Variants in PLXNA4 observed in about 807,000 individuals in gnomAD.
The protein encoded by PLXNA4 is plexin-A4.
Under a neutral mutation model 191.8 loss-of-function variants are expected in PLXNA4, and 44 were observed. The observed-to-expected ratio is 0.23, with a 90% confidence interval of 0.18 to 0.29. The LOEUF (loss-of-function observed/expected upper bound fraction) is 0.29. PLXNA4 is among the 10% of genes least tolerant of loss of function. The pLI is 1.00. For synonymous variants in PLXNA4, 1,082 were observed against 1,009.5 expected (o/e 1.07, Z -1.36); for missense variants, 1,800 against 2,488.8 (o/e 0.72, Z 5.89).
At chr7:132,461,591 A>G (rs1360745356) in intron 3 of PLXNA4, among the ~76,000 whole-genome samples, 5 of 152,246 alleles carry the variant, frequency 3.3e-5, no homozygotes. Context: ...ATCCAAGGGA[A>G]AAGAAATCAA....
At position 132,141,726 on chromosome 7, in the gene PLXNA4, CCTTTCTTTCTTTTT is replaced by C. The variant is rs1383453006; in HGVS notation, c.5226-929_5226-916del. 2.2e-4 allele frequency among the ~76,000 whole-genome samples: 34 copies of C among 152,126 alleles called. 1 individual carries two copies. Among genetic ancestry groups the C allele is most frequent in the East Asian group, 1.4e-3 (7 of 5,164 alleles). On this transcript the variant is annotated intron_variant, in intron 29 of 31. Coordinates refer to ENST00000321063, the MANE Select transcript of PLXNA4 (RefSeq NM_020911.2). ...TAAAACTTGTGTAAGTCTTTCCTTT[CCTTTCTTTCTTTTT>C]CTTTCTTTCAATGGAGTTTTGCTCT...
At chr7:132,261,889 C>T (rs1020157171) in intron 4 of PLXNA4, among the ~76,000 whole-genome samples, 1 of 152,196 alleles carries the variant, frequency 6.6e-6, no homozygotes, top group Admixed American at 6.5e-5. Context: ...AGCACCTACA[C>T]ACACAGTCCC....
chr7:132,216,132 G>A (rs529070087), intron 9 of PLXNA4, among the ~76,000 whole-genome samples: 21 of 152,310 alleles, frequency 1.4e-4, no homozygotes, highest in African/African-American at 5.1e-4. Flanking sequence ...TGTCAGAAAT[G>A]AATTGAGTTC....
At chr7:132,594,521 T>C (rs1802662620) in intron 2 of PLXNA4, among the ~76,000 whole-genome samples, 1 of 152,244 alleles carries the variant, frequency 6.6e-6, no homozygotes. Context: ...AAGTTGGACT[T>C]GATTTGCAGC....
At chr7:132,360,620 A>G (rs1803895850) in intron 3 of PLXNA4, among the ~76,000 whole-genome samples, 1 of 152,248 alleles carries the variant, frequency 6.6e-6, no homozygotes, top group Non-Finnish European at 1.5e-5. Context: ...CGACAACAAC[A>G]AAAAGATAAA....
intron 8 of PLXNA4, among the ~76,000 whole-genome samples, chr7:132,225,857 G>T (rs1798304785): frequency 6.6e-6 from 1 of 152,210 alleles, no homozygotes; most frequent in Non-Finnish European, 1.5e-5. Context: ...TGAGTTAGAA[G>T]GATTGATGTC....
chr7:132,142,699 C>T (rs1453960073), intron 29 of PLXNA4, among the ~76,000 whole-genome samples: 1 of 152,218 alleles, frequency 6.6e-6, no homozygotes, highest in African/African-American at 2.4e-5. Context: ...CCCAGGAAAG[C>T]TCAGACAGCC....
chr7:132,270,665 A>G (rs1200048266), intron 4 of PLXNA4, among the ~76,000 whole-genome samples: 5 of 152,250 alleles, frequency 3.3e-5, no homozygotes, highest in Admixed American at 6.5e-5. Flanking sequence ...TCAGGAAATC[A>G]GTACTGCTAA....
chr7:132,248,904 G>T (rs1461167987), intron 4 of PLXNA4, among the ~76,000 whole-genome samples: 1 of 151,906 alleles, frequency 6.6e-6, no homozygotes, highest in Non-Finnish European at 1.5e-5. Flanking sequence ...GGAATGATTT[G>T]CCTTGAGCTT....
chr7:132,630,720 C>A (rs1394366857), intron 2 of PLXNA4, among the ~76,000 whole-genome samples: 1 of 152,084 alleles, frequency 6.6e-6, no homozygotes, highest in East Asian at 1.9e-4. Flanking sequence ...ACTGTGTTAG[C>A]CAGGATGGTC....
intron 1 of PLXNA4, among the ~76,000 whole-genome samples, chr7:132,526,827 G>A (rs1799420085): frequency 1.3e-5 from 2 of 152,118 alleles, no homozygotes; most frequent in Non-Finnish European, 2.9e-5. Flanking sequence ...ATCCCTCTTT[G>A]GTGCATAGTC....
At chr7:132,460,391 A>G (rs1366533529) in intron 3 of PLXNA4, among the ~76,000 whole-genome samples, 1 of 151,620 alleles carries the variant, frequency 6.6e-6, no homozygotes, top group Non-Finnish European at 1.5e-5. Flanking sequence ...AAAAACCTCA[A>G]ATTGTAATTT....
chr7:132,212,775 G>A lies in PLXNA4; in HGVS notation c.2098-1632C>T, dbSNP rs1009758198. Among the ~76,000 whole-genome samples, 5 of 152,178 alleles carry A rather than the reference G, an allele frequency of 3.3e-5. No individual in the cohort carries two copies. In the East Asian group the frequency reaches 9.6e-4, roughly 29 times the overall value. On this transcript the variant is annotated intron_variant, in intron 9 of 31. Transcript: ENST00000321063. ...GGTCCACAGATGGACCAGCAGTGGA[G>A]CCTTGTTTCATGGGAGTGCCCCAGG...
At chr7:132,555,045 G>GAAAAAAAAAAAACAA (rs1554467852) in intron 1 of PLXNA4, among the ~76,000 whole-genome samples, 3 of 111,942 alleles carry the variant, frequency 2.7e-5, no homozygotes, top group South Asian at 2.8e-4. Flanking sequence ...AAACCTGAAG[G>GAAAAAAAAAAAACAA]AAAAAAAAAA....
At chr7:132,400,392 G>C (rs555880390) in intron 3 of PLXNA4, among the ~76,000 whole-genome samples, 1 of 152,250 alleles carries the variant, frequency 6.6e-6, no homozygotes, top group Non-Finnish European at 1.5e-5. Flanking sequence ...TCTCCTACCT[G>C]TCACCCAGAC....
intron 4 of PLXNA4, among the ~76,000 whole-genome samples, chr7:132,245,081 G>A (rs910879679): frequency 3.9e-5 from 6 of 152,048 alleles, no homozygotes; most frequent in Admixed American, 2.0e-4. Context: ...CAGATGCAGA[G>A]CCACACGATT....
chr7:132,374,656 C>CG (rs1804584632), intron 3 of PLXNA4, among the ~76,000 whole-genome samples: 1 of 152,216 alleles, frequency 6.6e-6, no homozygotes, highest in African/African-American at 2.4e-5. Context: ...GTTGAACCCT[C>CG]GAATGCTAAC....
chr7:132,462,259 A>G (rs982225730), intron 3 of PLXNA4, among the ~76,000 whole-genome samples: 1 of 152,232 alleles, frequency 6.6e-6, no homozygotes, highest in African/African-American at 2.4e-5. Context: ...TTAAAATAGG[A>G]TGAATACTTT....
intron 2 of PLXNA4, among the ~76,000 whole-genome samples, chr7:132,637,367 T>C (rs2116886686): frequency 6.6e-6 from 1 of 152,316 alleles, no homozygotes; most frequent in East Asian, 1.9e-4. Context: ...CACAGAGGAC[T>C]TGACAAAGAG....
Sources: gnomAD v4.1 joint callset for allele counts (sites outside exome capture counted in the v4.1 genomes callset) on GRCh38, gnomAD v4.1.1 for gene constraint, MANE v1.5 for transcripts, NCBI Gene and HGNC (gene_info 2026-07-23, HGNC 2026-07-21) for gene names.